SPAG16: variants seen among roughly 807,000 people sequenced by gnomAD.
SPAG16 encodes sperm associated antigen 16.
A neutral mutation model predicts 80.4 loss-of-function variants in SPAG16; 86 were observed. The ratio of observed to expected loss-of-function variants is 1.07; its 90% CI spans 0.90 to 1.28. The LOEUF is 1.28. Among genes scored for constraint, SPAG16 ranks in the 50% most tolerant of loss-of-function variants. The probability of loss-of-function intolerance (pLI) is 0.00; values close to 1 mark genes in which losing one functional copy is unlikely to be tolerated. For synonymous variants in SPAG16, 294 were observed against 265.9 expected, an observed-to-expected ratio of 1.11 and a Z score of -1.03; for missense variants, 870 against 765.3, an observed-to-expected ratio of 1.14 and a Z score of -1.61.
At chr2:213,499,987 G>A (rs143791056) in intron 10 of SPAG16, among the ~76,000 whole-genome samples, 14 of 152,056 alleles carry the variant, frequency 9.2e-5, no homozygotes, top group South Asian at 4.2e-4. Flanking sequence ...TGGCCTTCTC[G>A]ATTCTAAATT....
intron 15 of SPAG16, among the ~76,000 whole-genome samples, chr2:214,335,566 G>A (rs1020930311): frequency 4.6e-5 from 7 of 151,544 alleles, no homozygotes; most frequent in Admixed American, 6.6e-5. Flanking sequence ...ATGTGCTGAC[G>A]ATGCTGATGT....
chr2:213,737,928 T>G (rs925262467), intron 10 of SPAG16, among the ~76,000 whole-genome samples: 1 of 152,198 alleles, frequency 6.6e-6, no homozygotes, highest in Non-Finnish European at 1.5e-5. Context: ...CCTATCAATA[T>G]TTTTAAAAAA....
chr2:214,054,900 T>G (rs2049854176), intron 13 of SPAG16, among the ~76,000 whole-genome samples: 1 of 152,180 alleles, frequency 6.6e-6, no homozygotes, highest in Admixed American at 6.6e-5. Flanking sequence ...CTGAAAATAA[T>G]TTGTCCCAAT....
intron 11 of SPAG16, among the ~76,000 whole-genome samples, chr2:213,896,515 A>G (rs189882097): frequency 3.1e-4 from 47 of 151,320 alleles, no homozygotes; most frequent in African/African-American, 1.1e-3. Flanking sequence ...CACTATTCAC[A>G]GTAGCCAAAA....
chr2:213,982,610 GGTGTGTGT>G (rs57529616), intron 12 of SPAG16, among the ~76,000 whole-genome samples: 40 of 141,916 alleles, frequency 2.8e-4, no homozygotes, highest in South Asian at 2.3e-3. Flanking sequence ...TATAGTTTCT[GGTGTGTGT>G]GTGTGTGTGT....
intron 15 of SPAG16, among the ~76,000 whole-genome samples, chr2:214,352,031 G>A (rs1698447624): frequency 6.6e-6 from 1 of 151,946 alleles, no homozygotes; most frequent in Non-Finnish European, 1.5e-5. Flanking sequence ...ATTCATAGGT[G>A]GTACCTTCTT....
chr2:213,373,737 T>G (rs575552541), intron 8 of SPAG16, among the ~76,000 whole-genome samples: 3 of 152,194 alleles, frequency 2.0e-5, no homozygotes, highest in African/African-American at 7.2e-5. Flanking sequence ...CCTTCTCATA[T>G]ACAATGGGAA....
chr2:213,369,975 T>G (rs1159576877), intron 8 of SPAG16, among the ~76,000 whole-genome samples: 1 of 152,214 alleles, frequency 6.6e-6, no homozygotes, highest in Non-Finnish European at 1.5e-5. Context: ...TTCAACACAT[T>G]TATGACGTGT....
At chr2:213,641,377 T>G (rs572228940) in intron 10 of SPAG16, among the ~76,000 whole-genome samples, 53 of 152,212 alleles carry the variant, frequency 3.5e-4, no homozygotes, top group Non-Finnish European at 6.9e-4. Context: ...AAAGCAGGGC[T>G]TTTAGGCTTT....
chr2:214,029,859 G>T (rs1374462194), intron 13 of SPAG16, among the ~76,000 whole-genome samples: 3 of 152,104 alleles, frequency 2.0e-5, no homozygotes, highest in Admixed American at 6.6e-5. Flanking sequence ...AATTGCACTT[G>T]TTTAATGTAT....
intron 10 of SPAG16, among the ~76,000 whole-genome samples, chr2:213,614,699 T>C (rs953598324): frequency 6.6e-6 from 1 of 152,240 alleles, no homozygotes; most frequent in Non-Finnish European, 1.5e-5. Flanking sequence ...ATTAATCTTC[T>C]TCTTTCAGTT....
intron 13 of SPAG16, among the ~76,000 whole-genome samples, chr2:214,107,757 A>G (rs1220647717): frequency 1.3e-5 from 2 of 152,190 alleles, no homozygotes; most frequent in Non-Finnish European, 2.9e-5. Flanking sequence ...GTGAAAATTC[A>G]GGAGCTAAAA....
intron 10 of SPAG16, among the ~76,000 whole-genome samples, chr2:213,642,204 G>A (rs1212155680): frequency 1.3e-5 from 2 of 152,172 alleles, no homozygotes; most frequent in Non-Finnish European, 2.9e-5. Flanking sequence ...GGTTGCAGCA[G>A]CAAGCCACTT....
At chr2:213,592,011 G>A (rs1048978919) in intron 10 of SPAG16, among the ~76,000 whole-genome samples, 3 of 152,128 alleles carry the variant, frequency 2.0e-5, no homozygotes, top group Non-Finnish European at 4.4e-5. Flanking sequence ...AGGTTCAGTC[G>A]GGAGAGAATA....
At chr2:213,511,886 A>G (rs1368979461) in intron 10 of SPAG16, among the ~76,000 whole-genome samples, 1 of 152,040 alleles carries the variant, frequency 6.6e-6, no homozygotes. Context: ...TTTTTTCAAA[A>G]TCTCATTTTT....
In SPAG16 at chr2:214,206,106, G is replaced by A. The variant is rs182251260; in HGVS notation, c.1720+56840G>A. ...ACATAATCAGGAGGCTGAGGCAGGAGAATCGCTTGAACCCAGGAGGCGGAG... is the reference window on the plus strand; with the variant it reads ...ACATAATCAGGAGGCTGAGGCAGGAAAATCGCTTGAACCCAGGAGGCGGAG... On this transcript the variant is annotated intron_variant, in intron 15 of 15. Coordinates refer to ENST00000331683, the MANE Select transcript of SPAG16 (RefSeq NM_024532.5). Among the ~76,000 whole-genome samples, 9 of 152,284 alleles carry A rather than the reference G, an allele frequency of 5.9e-5. 1 individual carries two copies. Among genetic ancestry groups the A allele is most frequent in the Non-Finnish European group, 1.2e-4 (8 of 68,022 alleles).
chr2:213,350,628 G>A lies in SPAG16; in HGVS notation c.745G>A (p.Asp249Asn). ...KEKMLTSLER[D>N]KVVGQISGLQ... is the part of the protein sequence containing the mutation. ...GAAAATGCTGACCTCCTTGGAAAGAGACAAAGTAGTTGGGCAGGTAAAGAT... is the reference window on the plus strand; with the variant it reads ...GAAAATGCTGACCTCCTTGGAAAGAAACAAAGTAGTTGGGCAGGTAAAGAT... The change falls in exon 7 of 16, where the codon GAC (aspartate) becomes AAC (asparagine). Residue 249 changes from aspartate (D) to asparagine (N), a missense_variant. Coordinates refer to ENST00000331683, the MANE Select transcript of SPAG16 (RefSeq NM_024532.5). 2 of 1,591,902 alleles carry A rather than the reference G, an allele frequency of 1.3e-6. No individual in the cohort carries two copies. Among genetic ancestry groups the A allele is most frequent in the South Asian group, 1.2e-5 (1 of 86,460 alleles).
chr2:213,538,842 TTATC>T (rs781557412), intron 10 of SPAG16, among the ~76,000 whole-genome samples: 10 of 152,242 alleles, frequency 6.6e-5, no homozygotes, highest in African/African-American at 1.2e-4. Context: ...TATCTATCTA[TTATC>T]TATCTATCAT....
intron 13 of SPAG16, among the ~76,000 whole-genome samples, chr2:214,044,089 G>A (rs2049180341): frequency 1.3e-5 from 2 of 151,766 alleles, no homozygotes; most frequent in African/African-American, 4.8e-5. Flanking sequence ...ATTCCCCAAA[G>A]GTCTTGTTTT....
Sources: allele counts gnomAD v4.1 joint callset (sites outside exome capture counted in the v4.1 genomes callset), GRCh38; gene constraint gnomAD v4.1.1; transcripts MANE v1.5; gene names NCBI Gene and HGNC (gene_info 2026-07-23, HGNC 2026-07-21).